The following BCR variants were observed in gnomAD, a reference collection of about 807,000 sequenced individuals.
BCR encodes the protein BCR activator of RhoGEF and GTPase, also known as breakpoint cluster region protein.
A neutral mutation model predicts 138.6 loss-of-function variants in BCR; 58 were observed. The observed-to-expected ratio is 0.42, with a 90% CI of 0.34 to 0.52. The LOEUF is 0.52. Ranked by LOEUF, BCR falls within the 20% of genes least tolerant of loss-of-function variation. The pLI is 0.06. For missense variants in BCR, 1,599 were observed against 1,727.2 expected, an observed-to-expected ratio of 0.93 and a Z score of 1.32; for synonymous variants, 786 against 730.1, an observed-to-expected ratio of 1.08 and a Z score of -1.23.
chr22:23,278,261 T>C (rs1175903190), intron 8 of BCR, among the ~76,000 whole-genome samples: 1 of 152,192 alleles, frequency 6.6e-6, no homozygotes, highest in African/African-American at 2.4e-5. Context: ...CAATACCCGT[T>C]CTCTGCCTGG....
At chr22:23,214,753 G>A (rs1033822593) in intron 1 of BCR, among the ~76,000 whole-genome samples, 1 of 152,172 alleles carries the variant, frequency 6.6e-6, no homozygotes, top group Non-Finnish European at 1.5e-5. Context: ...GTCCAAACCT[G>A]CATTTGGAAG....
intron 1 of BCR, among the ~76,000 whole-genome samples, chr22:23,195,325 C>T (rs927397406): frequency 1.4e-5 from 2 of 147,786 alleles, no homozygotes; most frequent in Non-Finnish European, 3.0e-5. Context: ...GAGGCTGAGG[C>T]GGGAAAATCG....
chr22:23,234,642 C>T (rs1230047756), intron 1 of BCR, among the ~76,000 whole-genome samples: 1 of 152,072 alleles, frequency 6.6e-6, no homozygotes, highest in African/African-American at 2.4e-5. Context: ...CTGGGAGGGC[C>T]AAGACTCAGG....
chr22:23,216,864 T>A (rs1292706187), intron 1 of BCR: 1 of 224,808 alleles, frequency 4.4e-6, no homozygotes, highest in African/African-American at 2.4e-5. Flanking sequence ...GAGGCTAGGT[T>A]CCAAGAGCAA....
chr22:23,289,727 C>T (rs1305375473), intron 13 of BCR, 106 bp downstream of exon 13: 1 of 963,024 alleles, frequency 1.0e-6, no homozygotes, highest in South Asian at 1.4e-5. Context: ...GACTAGTGGA[C>T]TTTGGTTCAG....
chr22:23,223,943 A>G (rs1206143809), intron 1 of BCR, among the ~76,000 whole-genome samples: 1 of 152,046 alleles, frequency 6.6e-6, no homozygotes, highest in Non-Finnish European at 1.5e-5. Flanking sequence ...TCCCAAAGGC[A>G]CAGGCCCTGA....
rs747018681 is a variant in BCR at position 23,182,146 on chromosome 22, C to T, written c.1186C>T (p.Pro396Ser). The T allele has an allele frequency of 3.7e-6, 6 of 1,609,860 alleles. No homozygotes were observed. The highest frequency in any genetic ancestry group is 1.1e-5 in the South Asian group (1 of 91,004). The change falls in exon 1 of 23, where the codon CCG becomes TCG. Residue 396 changes from proline to serine, a missense_variant. Pro to Ser is a moderately conservative substitution (Grantham distance 74, BLOSUM62 -1). Coordinates refer to ENST00000305877, the MANE Select transcript of BCR (RefSeq NM_004327.4). ...PQCHKRHRHCPVVVSEATIVG... is the reference protein window; with the variant it reads ...PQCHKRHRHCSVVVSEATIVG... ...GTGCCATAAGCGGCACCGGCACTGC[C>T]CGGTTGTCGTGTCCGAGGCCACCAT...
At chr22:23,272,615 T>G (rs1432315724) in intron 6 of BCR, among the ~76,000 whole-genome samples, 3 of 151,994 alleles carry the variant, frequency 2.0e-5, no homozygotes, top group East Asian at 3.9e-4. Context: ...AACCAAGAGT[T>G]GTATTGGCAT....
intron 1 of BCR, among the ~76,000 whole-genome samples, chr22:23,202,190 TTC>T (rs1025000281): frequency 3.9e-5 from 6 of 152,166 alleles, no homozygotes; most frequent in Admixed American, 2.6e-4. Context: ...TTCAGTGAAC[TTC>T]TCTCTCTTTT....
At chr22:23,241,386 G>A (rs2073089956) in intron 1 of BCR, among the ~76,000 whole-genome samples, 1 of 152,196 alleles carries the variant, frequency 6.6e-6, no homozygotes, top group Admixed American at 6.5e-5. Flanking sequence ...AGTGGGAAGG[G>A]AGGACCCACA....
At chr22:23,238,921 G>A (rs1207547537) in intron 1 of BCR, among the ~76,000 whole-genome samples, 2 of 151,976 alleles carry the variant, frequency 1.3e-5, no homozygotes, top group Non-Finnish European at 2.9e-5. Context: ...ACTGTCCTCT[G>A]TCGGGTCGGG....
intron 4 of BCR, among the ~76,000 whole-genome samples, chr22:23,266,421 G>A (rs1294715905): frequency 1.3e-5 from 2 of 149,242 alleles, no homozygotes; most frequent in East Asian, 2.0e-4. Flanking sequence ...ATGGAGTCTC[G>A]CTCTGTCACC....
intron 4 of BCR, chr22:23,263,775 T>G: frequency 7.0e-7 from 1 of 1,419,590 alleles, no homozygotes; most frequent in South Asian, 1.1e-5. Flanking sequence ...TGTGAGTGGC[T>G]CCAGGGACAG....
At chr22:23,245,173 C>A (rs186518903) in intron 1 of BCR, among the ~76,000 whole-genome samples, 1 of 152,296 alleles carries the variant, frequency 6.6e-6, no homozygotes, top group South Asian at 2.1e-4. Flanking sequence ...TGGACTTTCT[C>A]CTCCAAGAAA....
chr22:23,182,774 T>C (rs922826972), intron 1 of BCR, among the ~76,000 whole-genome samples: 3 of 152,222 alleles, frequency 2.0e-5, no homozygotes, highest in African/African-American at 7.2e-5. Flanking sequence ...GTGTCAGGTT[T>C]GCTTGCTAAC....
At chr22:23,229,797 T>TC (rs888098157) in intron 1 of BCR, among the ~76,000 whole-genome samples, 1 of 152,256 alleles carries the variant, frequency 6.6e-6, no homozygotes, top group African/African-American at 2.4e-5. Flanking sequence ...AGAAGGCAGT[T>TC]CCCCCCTGAG....
intron 4 of BCR, chr22:23,262,766 A>T: frequency 1.5e-5 from 14 of 936,484 alleles, no homozygotes; most frequent in Non-Finnish European, 1.7e-5. Context: ...AGGGAGGGTG[A>T]CGAGGGGGAA....
At chr22:23,311,636 C>A in intron 18 of BCR, 61 bp from the exon 19 acceptor site, 1 of 1,439,706 alleles carries the variant, frequency 6.9e-7, no homozygotes, top group South Asian at 1.2e-5. Flanking sequence ...TGGAGCAGGT[C>A]TCCTGTGTTA....
chr22:23,297,118 A>G (rs986233281), intron 16 of BCR, among the ~76,000 whole-genome samples: 1 of 151,866 alleles, frequency 6.6e-6, no homozygotes, highest in African/African-American at 2.4e-5. Context: ...GCTCACTGCA[A>G]CCTCAAACTC....
Sources: allele counts gnomAD v4.1 joint callset (sites outside exome capture counted in the v4.1 genomes callset), GRCh38; gene constraint gnomAD v4.1.1; transcripts MANE v1.5; gene names NCBI Gene and HGNC (gene_info 2026-07-23, HGNC 2026-07-21).